Variants in UBL3 observed in about 807,000 individuals in gnomAD.
UBL3 encodes the protein ubiquitin-like protein 3.
A neutral mutation model predicts 18.4 loss-of-function variants in UBL3; 6 were observed. That is an observed-to-expected ratio of 0.33 (90% CI 0.18 to 0.64). The LOEUF (loss-of-function observed/expected upper bound fraction) is 0.64, where lower values mean the gene tolerates loss of function less well. Ranked by LOEUF, UBL3 falls within the 30% of genes least tolerant of loss-of-function variation. The probability of loss-of-function intolerance (pLI) is 0.76; values close to 1 mark genes in which losing one functional copy is unlikely to be tolerated. For missense variants in UBL3, 109 were observed against 142.9 expected, an observed-to-expected ratio of 0.76 and a Z score of 1.21; for synonymous variants, 49 against 46.6, an observed-to-expected ratio of 1.05 and a Z score of -0.21.
At position 29,777,254 on chromosome 13, in the gene UBL3, G is replaced by A. The variant is rs1348709343; in HGVS notation, c.37C>T (p.Arg13Cys). ...SNVPADMINLRLILVSGKTKE... is the reference protein window; with the variant it reads ...SNVPADMINLCLILVSGKTKE... ...GTTTTTCCGCTTACCAAAATGAGGCGCAAATTTATCTGAAAGAAGACAATG... is the reference window on the plus strand; with the variant it reads ...GTTTTTCCGCTTACCAAAATGAGGCACAAATTTATCTGAAAGAAGACAATG... The change falls in exon 2 of 5, where the codon CGC becomes TGC. Residue 13 changes from arginine (R) to cysteine (C), a missense_variant. Coordinates refer to ENST00000380680, the MANE Select transcript of UBL3 (RefSeq NM_007106.4). 3.7e-6 allele frequency: 6 copies of A among 1,603,856 alleles called. No individual in the cohort carries two copies. Among genetic ancestry groups the A allele is most frequent in the African/African-American group, 1.3e-5 (1 of 74,720 alleles).
chr13:29,848,923 A>T (rs1263212340), intron 1 of UBL3, among the ~76,000 whole-genome samples: 4 of 152,364 alleles, frequency 2.6e-5, no homozygotes, highest in African/African-American at 9.6e-5. Flanking sequence ...ATTCATTGTA[A>T]GTACCAATAC....
At chr13:29,786,145 G>A (rs1362679004) in intron 1 of UBL3, among the ~76,000 whole-genome samples, 1 of 152,086 alleles carries the variant, frequency 6.6e-6, no homozygotes, top group South Asian at 2.1e-4. Flanking sequence ...GAGCCCAGGT[G>A]CATCTGAGCC....
chr13:29,835,048 C>T (rs1878881062), intron 1 of UBL3, among the ~76,000 whole-genome samples: 1 of 137,188 alleles, frequency 7.3e-6, no homozygotes, highest in Admixed American at 7.9e-5. Context: ...AGGCACTATA[C>T]TAAGTACTGG....
chr13:29,816,754 CAAAA>C (rs57272367), intron 1 of UBL3, among the ~76,000 whole-genome samples: 2 of 42,622 alleles, frequency 4.7e-5, no homozygotes, highest in Non-Finnish European at 1.1e-4. Context: ...GACCCTGTCT[CAAAA>C]AAAAAAAAAA....
At position 29,767,299 on chromosome 13, in the gene UBL3, T is replaced by G; in HGVS notation, c.310A>C (p.Asn104His). 6.2e-7 allele frequency: 1 copy of G among 1,613,250 alleles called. No individual in the cohort carries two copies. The highest frequency in any genetic ancestry group is 8.5e-7 in the Non-Finnish European group (1 of 1,179,372). Reference sequence around the variant, plus strand: ...TTACTCTCTCCAGTCTTCTCACGATTCCTCTGACCTAGGGAAAACGAAGAA... The same window carrying G: ...TTACTCTCTCCAGTCTTCTCACGATGCCTCTGACCTAGGGAAAACGAAGAA... ...LPEPNSQGQR[N>H]REKTGESNCC... Residue 104 changes from asparagine (N) to histidine (H), a missense_variant, in exon 5 of 5, where the codon AAT becomes CAT. Asn to His is a moderately conservative substitution (Grantham distance 68). Transcript: ENST00000380680.
At chr13:29,837,270 G>A (rs745473998) in intron 1 of UBL3, among the ~76,000 whole-genome samples, 1 of 151,814 alleles carries the variant, frequency 6.6e-6, no homozygotes, top group African/African-American at 2.4e-5. Flanking sequence ...TAGGTATGAC[G>A]GTCATCAGAC....
intron 1 of UBL3, among the ~76,000 whole-genome samples, chr13:29,784,302 G>A (rs1193471765): frequency 1.3e-5 from 2 of 152,098 alleles, no homozygotes; most frequent in African/African-American, 4.8e-5. Context: ...TACAGAGATG[G>A]ACCATGCCCT....
intron 1 of UBL3, among the ~76,000 whole-genome samples, chr13:29,822,706 G>A (rs1006966728): frequency 6.6e-6 from 1 of 152,076 alleles, no homozygotes; most frequent in African/African-American, 2.4e-5. Flanking sequence ...CCTGGCCAAA[G>A]ACTGCATTTT....
chr13:29,769,735 G>T (rs541031691), intron 3 of UBL3, among the ~76,000 whole-genome samples: 1 of 152,050 alleles, frequency 6.6e-6, no homozygotes, highest in African/African-American at 2.4e-5. Flanking sequence ...TTAATGAAAT[G>T]AAACTCTATA....
chr13:29,816,397 C>T (rs971940659), intron 1 of UBL3, among the ~76,000 whole-genome samples: 3 of 152,068 alleles, frequency 2.0e-5, no homozygotes, highest in African/African-American at 7.2e-5. Context: ...TAAAACAAAT[C>T]TCTTGCTATG....
intron 1 of UBL3, among the ~76,000 whole-genome samples, chr13:29,800,916 C>A (rs553871162): frequency 5.9e-5 from 9 of 152,296 alleles, no homozygotes; most frequent in East Asian, 5.8e-4. Context: ...GGGACCCCCC[C>A]ACGGTGCAGC....
intron 1 of UBL3, among the ~76,000 whole-genome samples, chr13:29,801,167 T>C (rs1257266445): frequency 6.6e-6 from 1 of 152,136 alleles, no homozygotes; most frequent in Non-Finnish European, 1.5e-5. Context: ...GAGGGCCTGA[T>C]GGCAACTCTG....
At chr13:29,769,657 A>C (rs1876785632) in intron 3 of UBL3, among the ~76,000 whole-genome samples, 1 of 152,086 alleles carries the variant, frequency 6.6e-6, no homozygotes, top group Non-Finnish European at 1.5e-5. Flanking sequence ...GGCCATACTG[A>C]ATGCCAAAGC....
chr13:29,813,004 A>G (rs930312691), intron 1 of UBL3, among the ~76,000 whole-genome samples: 1 of 152,028 alleles, frequency 6.6e-6, no homozygotes, highest in African/African-American at 2.4e-5. Flanking sequence ...CTATTTTCTA[A>G]AGAGTCATTT....
At chr13:29,835,952 G>T (rs994791275) in intron 1 of UBL3, among the ~76,000 whole-genome samples, 5 of 152,038 alleles carry the variant, frequency 3.3e-5, no homozygotes, top group Admixed American at 1.3e-4. Flanking sequence ...AAGGCCCAAG[G>T]AAAGGATTTG....
chr13:29,844,094 A>T (rs1238204232), intron 1 of UBL3, among the ~76,000 whole-genome samples: 1 of 152,170 alleles, frequency 6.6e-6, no homozygotes, highest in East Asian at 1.9e-4. Flanking sequence ...TAACAGAAAA[A>T]CTGGAAAAAC....
intron 1 of UBL3, among the ~76,000 whole-genome samples, chr13:29,845,728 T>A (rs1388135149): frequency 6.6e-6 from 1 of 152,140 alleles, no homozygotes; most frequent in African/African-American, 2.4e-5. Context: ...ACTTGAATTG[T>A]CATTATCTGA....
At position 29,826,311 on chromosome 13, in the gene UBL3, C is replaced by T. The variant is rs142279913; in HGVS notation, c.27+23201G>A. Among the ~76,000 whole-genome samples, 530 of 152,238 alleles carry T rather than the reference C, an allele frequency of 3.5e-3. 4 individuals are homozygous for T. Among genetic ancestry groups the T allele is most frequent in the East Asian group, 0.023 (117 of 5,184 alleles). ...TTGTACCTCTGCTAGAATTCGGCTGCGAATTTGGCTAGTCCTGGACTGTTT... is the reference window on the plus strand; with the variant it reads ...TTGTACCTCTGCTAGAATTCGGCTGTGAATTTGGCTAGTCCTGGACTGTTT... On this transcript the variant is annotated intron_variant, in intron 1 of 4. Coordinates refer to ENST00000380680, the MANE Select transcript of UBL3 (RefSeq NM_007106.4).
chr13:29,784,839 G>GCACATACACACATGCA (rs1877267507), intron 1 of UBL3, among the ~76,000 whole-genome samples: 1 of 150,474 alleles, frequency 6.6e-6, no homozygotes, highest in Non-Finnish European at 1.5e-5. Flanking sequence ...ATACACACAT[G>GCACATACACACATGCA]CACACACACA....
Sources: allele counts gnomAD v4.1 joint callset (sites outside exome capture counted in the v4.1 genomes callset), GRCh38; gene constraint gnomAD v4.1.1; transcripts MANE v1.5; gene names NCBI Gene and HGNC (gene_info 2026-07-23, HGNC 2026-07-21).